MGST2: variants seen among roughly 807,000 people sequenced by gnomAD.
The protein encoded by MGST2 is glutathione peroxidase MGST2.
In MGST2, 9 loss-of-function variants were observed where a neutral mutation model predicts 16.6. That is an observed-to-expected ratio of 0.54 (90% CI 0.33 to 0.95). MGST2 has a LOEUF of 0.95. Ranked by LOEUF, MGST2 falls within the 40% of genes least tolerant of loss-of-function variation. The pLI, the probability that MGST2 is intolerant of heterozygous loss-of-function variation, is 0.03. For missense variants in MGST2, 159 were observed against 175.1 expected (o/e 0.91, Z 0.52); for synonymous variants, 79 against 68.0 (o/e 1.16, Z -0.79).
chr4:139,687,281 C>T (rs190430856), intron 2 of MGST2, among the ~76,000 whole-genome samples: 3 of 152,348 alleles, frequency 2.0e-5, no homozygotes, highest in African/African-American at 7.2e-5. Flanking sequence ...GGCTCCACTC[C>T]ATACTTTGAA....
the MGST2 span, among the ~76,000 whole-genome samples, chr4:139,749,075 C>T: frequency 2.0e-5 from 3 of 152,260 alleles, no homozygotes; most frequent in African/African-American, 7.2e-5. Flanking sequence ...CTAAACAGAG[C>T]TCAAATGGAA....
At chr4:139,700,950 T>C (rs1357325193) in intron 3 of MGST2, among the ~76,000 whole-genome samples, 1 of 152,230 alleles carries the variant, frequency 6.6e-6, no homozygotes, top group Admixed American at 6.5e-5. Context: ...TCACTCTCTT[T>C]CTTTTAGTTT....
intron 5 of MGST2, among the ~76,000 whole-genome samples, chr4:139,732,625 TG>T (rs1157483549): frequency 3.6e-4 from 55 of 151,614 alleles, no homozygotes; most frequent in African/African-American, 1.3e-3. Flanking sequence ...TTTTAAAAAA[TG>T]TAACTTAAAA....
rs1020751737 is a variant in MGST2, at chr4:139,713,406, C to T, written c.*48+9210C>T. Among the ~76,000 whole-genome samples the T allele has an allele frequency of 2.1e-5, 3 of 143,602 alleles. No individual in the cohort carries two copies. The Admixed American group carries it at 2.2e-4, about 10-fold the overall frequency. The allele number at this position is 143,602 out of a possible 152,430, so 94.2% of individuals were successfully genotyped here. ...AGTCTGTGACACCTCCTTTGTTTTT[C>T]CCAAGGAGTCCCAGGCTACCAGAAG... On this transcript the variant is annotated intron_variant, in intron 5 of 5. Transcript: ENST00000616265.
At chr4:139,708,195 G>T (rs999558890), downstream of MGST2, among the ~76,000 whole-genome samples, 14 of 152,138 alleles carry the variant, frequency 9.2e-5, no homozygotes, top group Non-Finnish European at 1.8e-4. Flanking sequence ...TATGGTTTTA[G>T]GTCTAACACG....
At chr4:139,671,512 C>T (rs8192026) in intron 1 of MGST2, among the ~76,000 whole-genome samples, 24,953 of 152,118 alleles carry the variant, frequency 0.16, 2,235 homozygotes, top group East Asian at 0.35. Flanking sequence ...GTCGCCCGGG[C>T]TGGAGTGCAG....
chr4:139,728,982 C>A (rs569849097), intron 5 of MGST2, among the ~76,000 whole-genome samples: 58 of 152,182 alleles, frequency 3.8e-4, no homozygotes, highest in African/African-American at 1.3e-3. Flanking sequence ...ATTTACAGAG[C>A]CCAGCTGCCC....
intron 5 of MGST2, among the ~76,000 whole-genome samples, chr4:139,711,037 A>G (rs1028642406): frequency 3.3e-5 from 5 of 150,796 alleles, no homozygotes; most frequent in Non-Finnish European, 7.4e-5. Context: ...GTTTTGAGAC[A>G]GGGTCTCTCT....
intron 2 of MGST2, among the ~76,000 whole-genome samples, chr4:139,693,551 A>G (rs62322576): frequency 1.3e-5 from 2 of 152,192 alleles, no homozygotes; most frequent in Admixed American, 1.3e-4. Context: ...TATTCCTTGC[A>G]TAGCCGTAAT....
intron 5 of MGST2, among the ~76,000 whole-genome samples, chr4:139,733,905 T>A (rs1728824224): frequency 6.6e-6 from 1 of 152,232 alleles, no homozygotes; most frequent in Non-Finnish European, 1.5e-5. Context: ...TTGCCCAAGC[T>A]GGTCTTGAAC....
intron 5 of MGST2, chr4:139,730,716 A>C: frequency 1.3e-6 from 2 of 1,530,174 alleles, no homozygotes; most frequent in Non-Finnish European, 1.8e-6. Flanking sequence ...ATAGAGACTC[A>C]CTGCTGTTTG....
At chr4:139,696,590 C>T (rs1726935395) in intron 3 of MGST2, among the ~76,000 whole-genome samples, 1 of 152,188 alleles carries the variant, frequency 6.6e-6, no homozygotes, top group South Asian at 2.1e-4. Context: ...CTCCAAGATT[C>T]ATATCTTGAG....
At chr4:139,719,175 A>C (rs1579353894) in intron 5 of MGST2, 2 of 872,780 alleles carry the variant, frequency 2.3e-6, no homozygotes, top group Non-Finnish European at 3.4e-6. Flanking sequence ...GTGGATTGGC[A>C]CCTGGATCTT....
intron 3 of MGST2, among the ~76,000 whole-genome samples, chr4:139,702,843 G>GTTTTTT (rs1727325108): frequency 7.2e-5 from 2 of 27,604 alleles, no homozygotes; most frequent in Admixed American, 4.4e-4. Context: ...TTGTGTTACT[G>GTTTTTT]GTTTTTTTTT....
At chr4:139,691,645 CAG>C (rs8192091) in intron 2 of MGST2, among the ~76,000 whole-genome samples, 7,305 of 151,752 alleles carry the variant, frequency 0.048, 275 homozygotes, top group East Asian at 0.2. Context: ...CAGCAACAAA[CAG>C]GGCACCCCAC....
chr4:139,666,080 AAG>A lies in MGST2; in HGVS notation c.58+6_58+7del, dbSNP rs548241454. On this transcript the variant is annotated splice_donor_5th_base_variant and intron_variant, in intron 1 of 4. Transcript: ENST00000265498. ...TATTCTCTCGGCCTGTCAGCAAAGT[AAG>A]AGGCATGGGAAGTTCGTGTGTGTGC... is the stretch of plus-strand genomic sequence containing the variant. 226 of 1,612,204 alleles carry A rather than the reference AAG, an allele frequency of 1.4e-4. 1 individual carries two copies. The East Asian group carries it at 4.6e-3, about 33-fold the overall frequency.
chr4:139,675,937 A>G (rs749461992), intron 1 of MGST2, among the ~76,000 whole-genome samples: 1 of 152,084 alleles, frequency 6.6e-6, no homozygotes, highest in Non-Finnish European at 1.5e-5. Flanking sequence ...AATTTTGGGG[A>G]AAGAAGCCTG....
At chr4:139,720,326 G>A (rs879014323) in intron 5 of MGST2, 2 of 1,519,678 alleles carry the variant, frequency 1.3e-6, no homozygotes, top group South Asian at 2.6e-5. Flanking sequence ...GGGAGAACCT[G>A]CAGTGAAAAA....
intron 1 of MGST2, among the ~76,000 whole-genome samples, chr4:139,669,745 G>C (rs1730570138): frequency 6.6e-6 from 1 of 152,218 alleles, no homozygotes; most frequent in Non-Finnish European, 1.5e-5. Flanking sequence ...CAGGAGAAAG[G>C]CTGTGACAAT....
Sources: allele counts gnomAD v4.1 joint callset (sites outside exome capture counted in the v4.1 genomes callset), GRCh38; gene constraint gnomAD v4.1.1; transcripts MANE v1.5; gene names NCBI Gene and HGNC (gene_info 2026-07-23, HGNC 2026-07-21).